The following KCMF1 variants were observed in gnomAD, a reference collection of about 807,000 sequenced individuals.
The protein encoded by KCMF1 is potassium channel modulatory factor 1.
In KCMF1, 3 loss-of-function variants were observed where a neutral mutation model predicts 41.1. That is an observed-to-expected ratio of 0.07 (90% CI 0.03 to 0.19). KCMF1 has a LOEUF of 0.19. KCMF1 is among the 10% of genes least tolerant of loss of function. KCMF1 has a pLI of 1.00. For synonymous variants in KCMF1, 142 were observed against 164.5 expected, an observed-to-expected ratio of 0.86 and a Z score of 1.04; for missense variants, 286 against 488.9, an observed-to-expected ratio of 0.58 and a Z score of 3.91.
intron 1 of KCMF1, among the ~76,000 whole-genome samples, chr2:85,003,440 T>C (rs1674382780): frequency 1.3e-5 from 2 of 151,938 alleles, no homozygotes; most frequent in South Asian, 4.2e-4. Context: ...ATCGTGCCAG[T>C]GCACTCCAGC....
intron 1 of KCMF1, among the ~76,000 whole-genome samples, chr2:84,992,504 G>A (rs995953415): frequency 3.3e-5 from 5 of 152,072 alleles, no homozygotes; most frequent in Non-Finnish European, 5.9e-5. Context: ...GAGCCACCGC[G>A]CCTGGCCCGT....
At chr2:84,993,074 C>A (rs1215050605) in intron 1 of KCMF1, among the ~76,000 whole-genome samples, 1 of 151,848 alleles carries the variant, frequency 6.6e-6, no homozygotes, top group Non-Finnish European at 1.5e-5. Context: ...GTAGTCCCAG[C>A]TACTTGGGAG....
chr2:85,047,773 GCA>G (rs1375135226), intron 5 of KCMF1, among the ~76,000 whole-genome samples: 2 of 152,044 alleles, frequency 1.3e-5, no homozygotes, highest in Non-Finnish European at 2.9e-5. Context: ...TGGGAAGTGT[GCA>G]CACATTTAAA....
chr2:85,023,404 C>T (rs192583077), intron 1 of KCMF1, among the ~76,000 whole-genome samples: 1,825 of 150,650 alleles, frequency 0.012, 48 homozygotes, highest in African/African-American at 0.043. Flanking sequence ...CTGCAAGCTC[C>T]GCCTCCTGGG....
At chr2:85,039,061 T>C (rs906980220) in intron 3 of KCMF1, among the ~76,000 whole-genome samples, 1 of 152,186 alleles carries the variant, frequency 6.6e-6, no homozygotes. Flanking sequence ...GAAATTCATA[T>C]GAACTTTAAT....
At chr2:85,022,343 G>A (rs534201837) in intron 1 of KCMF1, among the ~76,000 whole-genome samples, 26 of 152,036 alleles carry the variant, frequency 1.7e-4, no homozygotes, top group African/African-American at 5.5e-4. Flanking sequence ...GCATGGTGGC[G>A]CACACCAGTA....
intron 3 of KCMF1, among the ~76,000 whole-genome samples, chr2:85,040,800 G>A (rs1026402478): frequency 2.7e-5 from 4 of 147,156 alleles, no homozygotes; most frequent in African/African-American, 5.0e-5. Context: ...AGTCTCTGTC[G>A]CTCAGGCTGG....
intron 1 of KCMF1, among the ~76,000 whole-genome samples, chr2:85,018,684 A>G (rs1190318940): frequency 6.6e-6 from 1 of 152,032 alleles, no homozygotes; most frequent in Non-Finnish European, 1.5e-5. Context: ...TTTTAATGTA[A>G]TGGATGTCAG....
chr2:85,025,926 TAAAC>T (rs1034311500), intron 1 of KCMF1, among the ~76,000 whole-genome samples: 10 of 152,172 alleles, frequency 6.6e-5, no homozygotes, highest in African/African-American at 2.4e-4. Flanking sequence ...GTTTTCAGCA[TAAAC>T]AAGCAGATCA....
At chr2:85,010,522 C>G (rs982970632) in intron 1 of KCMF1, among the ~76,000 whole-genome samples, 2 of 152,170 alleles carry the variant, frequency 1.3e-5, no homozygotes, top group Non-Finnish European at 2.9e-5. Flanking sequence ...CTCAGTCTCT[C>G]AAATGTCATT....
intron 1 of KCMF1, among the ~76,000 whole-genome samples, chr2:85,014,910 G>C (rs187927250): frequency 2.5e-3 from 382 of 151,500 alleles, no homozygotes; most frequent in Non-Finnish European, 4.5e-3. Flanking sequence ...TTGCAACCTG[G>C]GTCTCCTGGG....
chr2:85,052,317 C>T (rs377518045), intron 6 of KCMF1, among the ~76,000 whole-genome samples: 1 of 152,156 alleles, frequency 6.6e-6, no homozygotes, highest in Non-Finnish European at 1.5e-5. Flanking sequence ...GTGATCCGCC[C>T]GCCTTGGCCT....
At chr2:85,023,499 T>G (rs931534764) in intron 1 of KCMF1, among the ~76,000 whole-genome samples, 1 of 151,762 alleles carries the variant, frequency 6.6e-6, no homozygotes, top group African/African-American at 2.4e-5. Context: ...TTTTTTGTAT[T>G]TTTAGTAGAG....
chr2:85,030,286 G>A (rs1675235539), intron 2 of KCMF1, among the ~76,000 whole-genome samples: 1 of 151,786 alleles, frequency 6.6e-6, no homozygotes, highest in African/African-American at 2.4e-5. Flanking sequence ...CATTCTGTGG[G>A]TTGTGTTTTC....
At chr2:85,003,919 TA>T (rs1201404106) in intron 1 of KCMF1, among the ~76,000 whole-genome samples, 1 of 152,130 alleles carries the variant, frequency 6.6e-6, no homozygotes, top group Non-Finnish European at 1.5e-5. Flanking sequence ...AGTCACCCTT[TA>T]TCTGAGGGGG....
intron 1 of KCMF1, among the ~76,000 whole-genome samples, chr2:84,987,254 GT>G (rs1447029115): frequency 6.6e-6 from 1 of 152,218 alleles, no homozygotes; most frequent in Non-Finnish European, 1.5e-5. Flanking sequence ...TGCATTAAAA[GT>G]TTTAAGCAGA....
At chr2:85,039,015 C>T (rs1353922527) in intron 3 of KCMF1, among the ~76,000 whole-genome samples, 1 of 152,226 alleles carries the variant, frequency 6.6e-6, no homozygotes, top group African/African-American at 2.4e-5. Context: ...CCACTGTGCC[C>T]TGCCCCAATT....
chr2:85,046,473 T>TA (rs1309448947), intron 5 of KCMF1, among the ~76,000 whole-genome samples, 195 bp downstream of exon 5: 37 of 151,760 alleles, frequency 2.4e-4, no homozygotes, highest in Admixed American at 2.4e-3. Context: ...CTACTAAAAA[T>TA]AAAAAAATTA....
intron 1 of KCMF1, among the ~76,000 whole-genome samples, chr2:85,026,608 C>T (rs773084770): frequency 4.5e-4 from 69 of 151,882 alleles, no homozygotes; most frequent in Non-Finnish European, 8.1e-4. Flanking sequence ...CCCACCTCAA[C>T]CTTCCAAGTA....
Sources: gnomAD v4.1 joint callset for allele counts (sites outside exome capture counted in the v4.1 genomes callset) on GRCh38, gnomAD v4.1.1 for gene constraint, MANE v1.5 for transcripts, NCBI Gene and HGNC (gene_info 2026-07-23, HGNC 2026-07-21) for gene names.